Variants in LIMK2 observed in about 807,000 individuals in gnomAD.
LIMK2 encodes LIM domain kinase 2.
LIMK2 carries 35 observed loss-of-function variants against 75.7 expected under a neutral mutation model. The observed-to-expected ratio is 0.46, with a 90% confidence interval of 0.35 to 0.61. The LOEUF (loss-of-function observed/expected upper bound fraction) is 0.61, where lower values mean the gene tolerates loss of function less well. Ranked by LOEUF, LIMK2 falls within the 20% of genes least tolerant of loss-of-function variation. The probability of loss-of-function intolerance (pLI) is 0.00; values close to 1 mark genes in which losing one functional copy is unlikely to be tolerated. For missense variants in LIMK2, 623 were observed against 831.0 expected, an observed-to-expected ratio of 0.75 and a Z score of 3.08; for synonymous variants, 301 against 319.2, an observed-to-expected ratio of 0.94 and a Z score of 0.61.
At chr22:31,228,659 G>T (rs1012277473) in intron 2 of LIMK2, among the ~76,000 whole-genome samples, 1 of 152,162 alleles carries the variant, frequency 6.6e-6, no homozygotes, top group Non-Finnish European at 1.5e-5. Context: ...AGGGCCGGAC[G>T]TGGTGGCTTA....
At chr22:31,268,224 C>T (rs2048916028) in intron 11 of LIMK2, 24 bp downstream of exon 11, 1 of 1,600,812 alleles carries the variant, frequency 6.2e-7, no homozygotes, top group African/African-American at 1.3e-5. Context: ...ACAAACCTGC[C>T]AGCAGGGCGA....
At chr22:31,239,194 T>A (rs2048604590) in intron 2 of LIMK2, among the ~76,000 whole-genome samples, 1 of 152,248 alleles carries the variant, frequency 6.6e-6, no homozygotes, top group Non-Finnish European at 1.5e-5. Context: ...TTATACCCAT[T>A]CAGAGAGCCA....
At chr22:31,263,572 G>T (rs2048861979) in intron 7 of LIMK2, among the ~76,000 whole-genome samples, 1 of 152,108 alleles carries the variant, frequency 6.6e-6, no homozygotes, top group Admixed American at 6.5e-5. Context: ...AGGCACCGTG[G>T]CTCATGCCTG....
At chr22:31,233,479 A>T (rs68136222) in intron 2 of LIMK2, among the ~76,000 whole-genome samples, 13,104 of 152,136 alleles carry the variant, frequency 0.086, 861 homozygotes, top group East Asian at 0.4. Flanking sequence ...GGATGTTACC[A>T]TTCCTTCAGG....
At chr22:31,272,485 TG>T (rs2048969281) in intron 12 of LIMK2, 44 bp from the exon 13 acceptor site, 1 of 1,556,208 alleles carries the variant, frequency 6.4e-7, no homozygotes, top group Non-Finnish European at 8.7e-7. Flanking sequence ...GGGCCAGGTT[TG>T]AGAACATCCC....
chr22:31,273,341 C>T (rs989632636), intron 13 of LIMK2, 111 bp from the exon 14 acceptor site: 4 of 965,618 alleles, frequency 4.1e-6, no homozygotes, highest in African/African-American at 3.2e-5. Flanking sequence ...GGTGTCCCTA[C>T]AGAACCTGTT....
chr22:31,263,612 G>A (rs532279676), intron 7 of LIMK2, among the ~76,000 whole-genome samples: 17 of 152,214 alleles, frequency 1.1e-4, no homozygotes, highest in Non-Finnish European at 1.9e-4. Context: ...GGCCTAGGTC[G>A]GAGGATGGCT....
chr22:31,275,409 G>A, intron 15 of LIMK2, 101 bp downstream of exon 15: 1 of 1,194,968 alleles, frequency 8.4e-7, no homozygotes, highest in Non-Finnish European at 1.2e-6. Context: ...GGTGAGAGAA[G>A]CCTTGAGGTC....
chr22:31,215,774 C>G (rs1294540204), intron 1 of LIMK2, among the ~76,000 whole-genome samples: 1 of 152,126 alleles, frequency 6.6e-6, no homozygotes, highest in Non-Finnish European at 1.5e-5. Flanking sequence ...CCACCGCACT[C>G]CAGCCTGGGC....
At chr22:31,246,213 A>ACACACACACACACACACACACG in intron 2 of LIMK2, among the ~76,000 whole-genome samples, 1 of 146,924 alleles carries the variant, frequency 6.8e-6, no homozygotes, top group Non-Finnish European at 1.5e-5. Context: ...ACACACACAC[A>ACACACACACACACACACACACG]CACGCTGGGT....
At chr22:31,277,191 C>A (rs754358726) in intron 15 of LIMK2, 1 of 1,610,474 alleles carries the variant, frequency 6.2e-7, no homozygotes, top group East Asian at 2.2e-5. Context: ...TCGCTACCCC[C>A]CGACCTCGTA....
intron 7 of LIMK2, among the ~76,000 whole-genome samples, chr22:31,265,613 C>G (rs949750376): frequency 2.0e-5 from 3 of 152,072 alleles, no homozygotes; most frequent in Admixed American, 2.0e-4. Flanking sequence ...GTACTTAAAT[C>G]AAGCAGATAT....
intron 1 of LIMK2, among the ~76,000 whole-genome samples, chr22:31,212,728 AG>A (rs773217505): frequency 1.3e-5 from 2 of 152,280 alleles, no homozygotes; most frequent in Non-Finnish European, 2.9e-5. Flanking sequence ...CCAGGAATCC[AG>A]CTTTTTGGAG....
At chr22:31,268,301 T>G in intron 11 of LIMK2, 101 bp downstream of exon 11, 1 of 953,104 alleles carries the variant, frequency 1.0e-6, no homozygotes, top group South Asian at 1.3e-5. Context: ...ATGCAACTTG[T>G]GTGGGCTGGG....
At chr22:31,261,283 C>T (rs1260260459) in intron 5 of LIMK2, among the ~76,000 whole-genome samples, 1 of 152,158 alleles carries the variant, frequency 6.6e-6, no homozygotes. Flanking sequence ...CGCAGTGGCT[C>T]ACGCCTGTAA....
intron 1 of LIMK2, among the ~76,000 whole-genome samples, chr22:31,213,770 T>C (rs1395149020): frequency 6.6e-6 from 1 of 151,922 alleles, no homozygotes; most frequent in Non-Finnish European, 1.5e-5. Flanking sequence ...TTAAAAAAGA[T>C]TTTTTTTAAG....
At chr22:31,216,300 G>A (rs1977720247) in intron 1 of LIMK2, among the ~76,000 whole-genome samples, 1 of 152,152 alleles carries the variant, frequency 6.6e-6, no homozygotes, top group Non-Finnish European at 1.5e-5. Flanking sequence ...GACAAAAGTA[G>A]GCAAGTTTCA....
chr22:31,221,700 G>T (rs982564826), intron 1 of LIMK2, among the ~76,000 whole-genome samples: 1 of 152,082 alleles, frequency 6.6e-6, no homozygotes, highest in Non-Finnish European at 1.5e-5. Flanking sequence ...GGCCAGGCTG[G>T]TCTCGAACTC....
At chr22:31,216,333 T>TA in intron 1 of LIMK2, among the ~76,000 whole-genome samples, 1 of 152,168 alleles carries the variant, frequency 6.6e-6, no homozygotes, top group African/African-American at 2.4e-5. Flanking sequence ...GGGTAGCAAA[T>TA]ACGTGTGGTA....
Sources: allele counts gnomAD v4.1 joint callset (sites outside exome capture counted in the v4.1 genomes callset), GRCh38; gene constraint gnomAD v4.1.1; transcripts MANE v1.5; gene names NCBI Gene and HGNC (gene_info 2026-07-23, HGNC 2026-07-21).